The following CNTNAP4 variants were observed in gnomAD, a reference collection of about 807,000 sequenced individuals.
CNTNAP4 encodes contactin-associated protein-like 4.
CNTNAP4 carries 98 observed loss-of-function variants against 148.4 expected under a neutral mutation model. The observed-to-expected ratio is 0.66, with a 90% CI of 0.56 to 0.78. The LOEUF (loss-of-function observed/expected upper bound fraction) is 0.78. Among genes scored for constraint, CNTNAP4 ranks in the 30% least tolerant of loss-of-function variants. The probability of loss-of-function intolerance (pLI) is 0.00; values close to 1 mark genes in which losing one functional copy is unlikely to be tolerated. For synonymous variants in CNTNAP4, 730 were observed against 565.1 expected (o/e 1.29, Z -4.14); for missense variants, 1,935 against 1,565.6 (o/e 1.24, Z -3.98).
At chr16:76,357,640 T>G (rs1161917502) in intron 3 of CNTNAP4, among the ~76,000 whole-genome samples, 1 of 152,204 alleles carries the variant, frequency 6.6e-6, no homozygotes, top group Non-Finnish European at 1.5e-5. Context: ...CCCCAAAGTG[T>G]AAGAGCACCT....
At position 76,538,184 on chromosome 16, in the gene CNTNAP4, A is replaced by G. The variant is rs1465014773; in HGVS notation, c.3064A>G (p.Lys1022Glu). Residue 1022 changes from lysine (K) to glutamate (E), a missense_variant, in exon 19 of 24, where the codon AAA becomes GAA. Lys to Glu is a moderately conservative substitution (Grantham distance 56). Coordinates refer to ENST00000611870, the MANE Select transcript of CNTNAP4 (RefSeq NM_033401.5). The part of the protein sequence containing the change: ...YNFQENYLLS[K>E]NSSSHAASFH... Reference sequence around the variant, plus strand: ...TTTTCAAGAAAATTATCTTTTAAGTAAAAACTCCAGCTCCCACGCTGCTTC... The same window carrying G: ...TTTTCAAGAAAATTATCTTTTAAGTGAAAACTCCAGCTCCCACGCTGCTTC... The G allele has an allele frequency of 3.1e-6, 5 of 1,601,340 alleles. No individual in the cohort carries two copies. The highest frequency in any genetic ancestry group is 3.5e-5 in the Admixed American group (2 of 56,788).
intron 17 of CNTNAP4, among the ~76,000 whole-genome samples, chr16:76,522,693 T>C (rs1281027061): frequency 0.1 from 1,099 of 10,802 alleles, 140 homozygotes; most frequent in African/African-American, 0.13. Context: ...TCTCCTTTCT[T>C]TTCTTTTCTT....
intron 21 of CNTNAP4, among the ~76,000 whole-genome samples, chr16:76,548,844 T>C (rs1447889500): frequency 1.3e-5 from 2 of 152,230 alleles, no homozygotes; most frequent in African/African-American, 4.8e-5. Context: ...GAAAAACTTA[T>C]ATTTTTGCCC....
chr16:76,470,486 T>TTTAC (rs1161520937), intron 10 of CNTNAP4, among the ~76,000 whole-genome samples: 2 of 111,632 alleles, frequency 1.8e-5, no homozygotes, highest in African/African-American at 7.2e-5. Flanking sequence ...ACTAATAATA[T>TTTAC]ATATATATAT....
intron 8 of CNTNAP4, among the ~76,000 whole-genome samples, chr16:76,460,072 C>G (rs368717940): frequency 6.6e-6 from 1 of 151,882 alleles, no homozygotes; most frequent in Non-Finnish European, 1.5e-5. Flanking sequence ...ATTAAAAAAA[C>G]TTTTTATTTG....
intron 3 of CNTNAP4, among the ~76,000 whole-genome samples, chr16:76,416,207 A>G (rs1220414242): frequency 6.6e-6 from 1 of 151,318 alleles, no homozygotes; most frequent in African/African-American, 2.4e-5. Flanking sequence ...AACTTTTGAA[A>G]GAACCACCTT....
At chr16:76,410,920 A>T (rs187141596) in intron 3 of CNTNAP4, among the ~76,000 whole-genome samples, 2 of 151,718 alleles carry the variant, frequency 1.3e-5, no homozygotes, top group East Asian at 3.9e-4. Flanking sequence ...TCTAGCTTCT[A>T]TGAAAGTATA....
chr16:76,440,361 A>C (rs2079986766), intron 4 of CNTNAP4, among the ~76,000 whole-genome samples: 1 of 152,060 alleles, frequency 6.6e-6, no homozygotes, highest in Non-Finnish European at 1.5e-5. Context: ...TTTCTCTTTT[A>C]AGTTTTTAGT....
intron 17 of CNTNAP4, among the ~76,000 whole-genome samples, chr16:76,524,766 T>C (rs2083640709): frequency 6.6e-6 from 1 of 152,128 alleles, no homozygotes; most frequent in African/African-American, 2.4e-5. Flanking sequence ...GTTATTCCAA[T>C]GTTGTATAAA....
At chr16:76,503,462 A>G (rs564395935) in intron 15 of CNTNAP4, among the ~76,000 whole-genome samples, 1 of 152,318 alleles carries the variant, frequency 6.6e-6, no homozygotes, top group South Asian at 2.1e-4. Flanking sequence ...AAAATCTCAA[A>G]TTATATTTTT....
At chr16:76,393,088 C>T (rs1278322407) in intron 3 of CNTNAP4, among the ~76,000 whole-genome samples, 1 of 152,216 alleles carries the variant, frequency 6.6e-6, no homozygotes, top group African/African-American at 2.4e-5. Flanking sequence ...TTTTTCTGAA[C>T]ATGACTCTTA....
intron 3 of CNTNAP4, among the ~76,000 whole-genome samples, chr16:76,360,732 C>T (rs1389858502): frequency 6.6e-6 from 1 of 151,986 alleles, no homozygotes; most frequent in Non-Finnish European, 1.5e-5. Context: ...CAGGAAGTTT[C>T]CTGTTTATAT....
chr16:76,362,731 A>C (rs1186082548), intron 3 of CNTNAP4, among the ~76,000 whole-genome samples: 2 of 152,214 alleles, frequency 1.3e-5, no homozygotes, highest in African/African-American at 4.8e-5. Context: ...AGGGAAGAGT[A>C]CACACCAGAA....
At chr16:76,324,888 C>G (rs959866095) in intron 2 of CNTNAP4, among the ~76,000 whole-genome samples, 9 of 152,262 alleles carry the variant, frequency 5.9e-5, no homozygotes, top group Non-Finnish European at 1.2e-4. Context: ...TCCCAAAGGC[C>G]CCCTCTCCAA....
At chr16:76,485,186 C>T (rs868214517) in intron 12 of CNTNAP4, among the ~76,000 whole-genome samples, 4 of 152,160 alleles carry the variant, frequency 2.6e-5, no homozygotes, top group South Asian at 2.1e-4. Context: ...GGCACGATCT[C>T]GGCTGGTCTA....
At chr16:76,355,845 TTTATTTA>T (rs2012547084) in intron 3 of CNTNAP4, among the ~76,000 whole-genome samples, 1 of 34,546 alleles carries the variant, frequency 2.9e-5, no homozygotes, top group Non-Finnish European at 8.1e-5. Flanking sequence ...TTGTCTTTTA[TTTATTTA>T]TTTATTTATT....
chr16:76,489,739 A>G lies in CNTNAP4; in HGVS notation c.1936A>G (p.Asn646Asp). 6.2e-7 allele frequency: 1 copy of G among 1,605,432 alleles called. No homozygotes were observed. Among genetic ancestry groups the G allele is most frequent in the African/African-American group, 1.3e-5 (1 of 74,944 alleles). ...CGGCTCTGACTTAACAAGAGTCAGA[A>G]ATACTAATCCAGAGAACCCATATGC... is the stretch of plus-strand genomic sequence containing the variant. ...HNGSDLTRVR[N>D]TNPENPYAGF... is the part of the protein sequence containing the mutation. Residue 646 changes from asparagine (N) to aspartate (D), a missense_variant, in exon 13 of 24, where the codon AAT (asparagine) becomes GAT (aspartate). Transcript: ENST00000611870.
In CNTNAP4 at chr16:76,560,606, T is replaced by C. The variant is rs769811645; in HGVS notation, c.*1923T>C. ...GGTAGCTGAACTCTAGGGAGGTTTA[T>C]TGGTGAAGCCTCACAGTCCTCTGTG... is the stretch of plus-strand genomic sequence containing the variant. On this transcript the variant is annotated 3_prime_UTR_variant, in exon 24 of 24. Coordinates refer to ENST00000611870, the MANE Select transcript of CNTNAP4 (RefSeq NM_033401.5). 1.3e-5 allele frequency among the ~76,000 whole-genome samples: 2 copies of C among 152,210 alleles called. No homozygotes were observed. The highest frequency in any genetic ancestry group is 2.9e-5 in the Non-Finnish European group (2 of 68,034).
At chr16:76,483,231 AACACACACAC>A (rs59206208) in intron 12 of CNTNAP4, among the ~76,000 whole-genome samples, 3,457 of 140,050 alleles carry the variant, frequency 0.025, 49 homozygotes, top group African/African-American at 0.048. Flanking sequence ...AGTTTTAAGA[AACACACACAC>A]ACACACACAC....
Sources: allele counts gnomAD v4.1 joint callset (sites outside exome capture counted in the v4.1 genomes callset), GRCh38; gene constraint gnomAD v4.1.1; transcripts MANE v1.5; gene names NCBI Gene and HGNC (gene_info 2026-07-23, HGNC 2026-07-21).